Variants in SLC1A2 observed in about 807,000 individuals in gnomAD.
SLC1A2 encodes the protein excitatory amino acid transporter 2.
A neutral mutation model predicts 48.8 loss-of-function variants in SLC1A2; 15 were observed. The ratio of observed to expected loss-of-function variants is 0.31; its 90% CI spans 0.21 to 0.47. SLC1A2 has a LOEUF of 0.47. Among genes scored for constraint, SLC1A2 ranks in the 20% least tolerant of loss-of-function variants. SLC1A2 has a pLI of 0.99. For synonymous variants in SLC1A2, 279 were observed against 272.6 expected (o/e 1.02, Z -0.23); for missense variants, 502 against 730.5 (o/e 0.69, Z 3.61).
At chr11:35,387,456 C>G (rs1383494475) in intron 1 of SLC1A2, among the ~76,000 whole-genome samples, 1 of 152,186 alleles carries the variant, frequency 6.6e-6, no homozygotes, top group African/African-American at 2.4e-5. Context: ...TTGCTTGCTA[C>G]AGAAGCCATA....
At chr11:35,356,323 A>G (rs1853460403) in intron 1 of SLC1A2, among the ~76,000 whole-genome samples, 1 of 152,208 alleles carries the variant, frequency 6.6e-6, no homozygotes, top group African/African-American at 2.4e-5. Context: ...TGTTTGTTCT[A>G]TAAAATTTCT....
At chr11:35,301,768 A>C (rs1851364656) in intron 5 of SLC1A2, 123 bp from the exon 6 acceptor site, 1 of 857,006 alleles carries the variant, frequency 1.2e-6, no homozygotes, top group South Asian at 1.8e-5. Flanking sequence ...TATGAATTAG[A>C]CATTAAAAGA....
chr11:35,390,218 G>C (rs1377204416), intron 1 of SLC1A2, among the ~76,000 whole-genome samples: 2 of 152,122 alleles, frequency 1.3e-5, no homozygotes, highest in Non-Finnish European at 2.9e-5. Context: ...AAACATGTCT[G>C]TGTGCAATCT....
intron 1 of SLC1A2, among the ~76,000 whole-genome samples, chr11:35,343,276 C>T (rs1305679252): frequency 2.6e-5 from 4 of 152,388 alleles, no homozygotes; most frequent in South Asian, 2.1e-4. Flanking sequence ...CAACATAGCA[C>T]TGGATTTGAC....
chr11:35,396,052 AC>A (rs1273098612), intron 1 of SLC1A2, among the ~76,000 whole-genome samples: 1 of 144,160 alleles, frequency 6.9e-6, no homozygotes, highest in Non-Finnish European at 1.5e-5. Context: ...TATATGTGCC[AC>A]ATTTTCTTAA....
intron 1 of SLC1A2, among the ~76,000 whole-genome samples, chr11:35,336,168 G>A (rs3925877): frequency 2.0e-5 from 3 of 150,646 alleles, no homozygotes; most frequent in Non-Finnish European, 4.4e-5. Flanking sequence ...CCTCTCAGGG[G>A]GTGGGGTGGG....
chr11:35,349,806 T>A (rs1344745481), intron 1 of SLC1A2, among the ~76,000 whole-genome samples: 1 of 152,112 alleles, frequency 6.6e-6, no homozygotes, highest in South Asian at 2.1e-4. Context: ...GAACACACAG[T>A]CTTTGGGCTC....
At chr11:35,335,424 G>A (rs1163178141) in intron 1 of SLC1A2, among the ~76,000 whole-genome samples, 3 of 152,134 alleles carry the variant, frequency 2.0e-5, no homozygotes, top group Non-Finnish European at 4.4e-5. Flanking sequence ...TGAAGTCACG[G>A]GGAACAAATT....
intron 9 of SLC1A2, among the ~76,000 whole-genome samples, chr11:35,267,108 G>T (rs1950497891): frequency 6.6e-6 from 1 of 152,196 alleles, no homozygotes; most frequent in Non-Finnish European, 1.5e-5. Context: ...GTGTGATCGG[G>T]TCTACATCTG....
chr11:35,257,161 T>C lies in SLC1A2; in HGVS notation c.*3733A>G, dbSNP rs893380863. Reference sequence around the variant, plus strand: ...CTTGACTAGATACATATGCAAATGATGTATTTCTCCACACACAAGTGGAAA... The same window carrying C: ...CTTGACTAGATACATATGCAAATGACGTATTTCTCCACACACAAGTGGAAA... On this transcript the variant is annotated 3_prime_UTR_variant, in exon 11 of 11. Transcript: ENST00000278379. The C allele has an allele frequency of 2.6e-5, 4 of 152,186 alleles. No individual in the cohort carries two copies. The East Asian group carries it at 7.7e-4, about 29-fold the overall frequency. The allele number at this position is 152,186 out of a possible 1,614,324, so 9.4% of individuals were successfully genotyped here.
rs1855704494 is a variant in SLC1A2, at chr11:35,419,149, G to T, written c.-183C>A. On this transcript the variant is annotated 5_prime_UTR_variant, in exon 1 of 11. Coordinates refer to ENST00000278379, the MANE Select transcript of SLC1A2 (RefSeq NM_004171.4). This position sits in a 1 kb window ranked among gnomAD's most constrained non-coding sequence, Gnocchi z 5.4. ...CTCAACGGGCGCAGGAGGCTCCTGC[G>T]GGCGCTAATCCGCGTCCCGGCTCTC... 2.0e-6 allele frequency: 1 copy of T among 497,696 alleles called. No homozygotes were observed. The highest frequency in any genetic ancestry group is 4.0e-5 in the Admixed American group (1 of 24,790). 30.8% of individuals were successfully genotyped at this position (497,696 alleles called of 1,614,324 possible). A position where few individuals can be genotyped will look rare whatever the true frequency, so the allele number is the denominator to read the frequency against.
At chr11:35,299,114 C>T (rs3847605) in intron 6 of SLC1A2, 85,188 of 152,050 alleles carry the variant, frequency 0.56, 25,837 homozygotes, top group East Asian at 0.74. Flanking sequence ...CCAAGGCAGG[C>T]GGATCATAAG....
intron 1 of SLC1A2, among the ~76,000 whole-genome samples, chr11:35,383,312 T>C (rs2135212021): frequency 6.6e-6 from 1 of 152,382 alleles, no homozygotes; most frequent in Non-Finnish European, 1.5e-5. Flanking sequence ...TGTTGCCTTT[T>C]TTCTGCCTTT....
At chr11:35,319,756 T>C (rs553579198) in intron 1 of SLC1A2, among the ~76,000 whole-genome samples, 175 of 152,344 alleles carry the variant, frequency 1.1e-3, no homozygotes, top group African/African-American at 3.9e-3. Context: ...GTTTGTTTTT[T>C]AGGCCATAAC....
In SLC1A2 at chr11:35,338,012, T is replaced by C. The variant is rs79690338; in HGVS notation, c.18-20496A>G. Among the ~76,000 whole-genome samples, 116 of 152,336 alleles carry C rather than the reference T, an allele frequency of 7.6e-4. 2 individuals carry two copies. The East Asian group carries it at 0.017, about 22-fold the overall frequency. On this transcript the variant is annotated intron_variant, in intron 1 of 10. Transcript: ENST00000278379. Reference sequence around the variant, plus strand: ...ACTAGCATTTCTTAAGTGCTTTGCATGTGCCAGATCTTATTTGTTCAGGTC... The same window carrying C: ...ACTAGCATTTCTTAAGTGCTTTGCACGTGCCAGATCTTATTTGTTCAGGTC...
intron 1 of SLC1A2, among the ~76,000 whole-genome samples, chr11:35,412,093 T>A (rs1194472340): frequency 6.8e-6 from 1 of 146,858 alleles, no homozygotes; most frequent in African/African-American, 2.5e-5. Context: ...ATCCATGAAA[T>A]TTTAAGGAAA....
chr11:35,376,752 G>A (rs1441102782), intron 1 of SLC1A2, among the ~76,000 whole-genome samples: 1 of 151,890 alleles, frequency 6.6e-6, no homozygotes, highest in Admixed American at 6.6e-5. Context: ...TAGACACCTG[G>A]ATCTGCTTCA....
At position 35,341,812 on chromosome 11, in the gene SLC1A2, G is replaced by A. The variant is rs564779388; in HGVS notation, c.18-24296C>T. ...GTGGATGTATGTTCACAAAGATGTC[G>A]ATTCTTTGCAGAATTGTTTATAAAA... On this transcript the variant is annotated intron_variant, in intron 1 of 10. Transcript: ENST00000278379. Among the ~76,000 whole-genome samples, 20 of 152,248 alleles carry A rather than the reference G, an allele frequency of 1.3e-4. No homozygotes were observed. In the South Asian group the frequency reaches 1.9e-3, roughly 14 times the overall value.
chr11:35,270,288 G>A (rs1157365102), intron 9 of SLC1A2, among the ~76,000 whole-genome samples: 1 of 152,126 alleles, frequency 6.6e-6, no homozygotes, highest in Admixed American at 6.6e-5. Flanking sequence ...AAGGGAATGA[G>A]GCTAATCCCA....
Sources: allele counts gnomAD v4.1 joint callset (sites outside exome capture counted in the v4.1 genomes callset), GRCh38; gene constraint gnomAD v4.1.1; non-coding constraint Gnocchi (gnomAD v3.1); transcripts MANE v1.5; gene names NCBI Gene and HGNC (gene_info 2026-07-23, HGNC 2026-07-21).